Variants in RCL1 observed in about 807,000 individuals in gnomAD.
RCL1 encodes RNA terminal phosphate cyclase like 1.
In RCL1, 24 loss-of-function variants were observed where a neutral mutation model predicts 42.4. The ratio of observed to expected loss-of-function variants is 0.57; its 90% CI spans 0.41 to 0.80. RCL1 has a LOEUF of 0.80. Among genes scored for constraint, RCL1 ranks in the 30% least tolerant of loss-of-function variants. The pLI is 0.00. For synonymous variants in RCL1, 228 were observed against 177.3 expected (o/e 1.29, Z -2.27); for missense variants, 578 against 467.9 (o/e 1.24, Z -2.17).
In RCL1 at chr9:4,804,515, T is replaced by A. The variant is rs1026373657; in HGVS notation, c.136+11288T>A. ...CCGGCTGCGGTGGAACTTACACGGG[T>A]TAAGTTCTGGGCGCGGGAGCCCTGC... On this transcript the variant is annotated intron_variant, in intron 1 of 8. Transcript: ENST00000381750. 29 of 152,240 alleles carry A rather than the reference T, an allele frequency of 1.9e-4. 1 individual carries two copies. The highest frequency in any genetic ancestry group is 6.3e-4 in the African/African-American group (26 of 41,406). 9.4% of individuals were successfully genotyped at this position (152,240 alleles called of 1,614,324 possible).
chr9:4,854,509 A>T (rs1817866178), intron 8 of RCL1, among the ~76,000 whole-genome samples: 1 of 151,978 alleles, frequency 6.6e-6, no homozygotes, highest in African/African-American at 2.4e-5. Flanking sequence ...GGCTTAGTGG[A>T]GGAGGACGCA....
At chr9:4,853,793 C>CT (rs35832520) in intron 8 of RCL1, among the ~76,000 whole-genome samples, 6 of 150,886 alleles carry the variant, frequency 4.0e-5, no homozygotes, top group Non-Finnish European at 7.4e-5. Flanking sequence ...TAAACCGTGA[C>CT]TTTTTTTTTT....
Position 4,849,407 on chromosome 9 carries a change from C to T in RCL1, c.868-40C>T, listed in dbSNP as rs113513517. On this transcript the variant is annotated intron_variant, in intron 7 of 8. Coordinates refer to ENST00000381750, the MANE Select transcript of RCL1 (RefSeq NM_005772.5). ...TTTCCTCCTCTCTTTTGTTGGCTTTCCATTTTCTGGTTTGTACAATTATTA... is the reference window on the plus strand; with the variant it reads ...TTTCCTCCTCTCTTTTGTTGGCTTTTCATTTTCTGGTTTGTACAATTATTA... 875 of 1,497,222 alleles carry T rather than the reference C, an allele frequency of 5.8e-4. 7 individuals are homozygous for T. The African/African-American group carries it at 0.011, about 18-fold the overall frequency. 92.7% of individuals were successfully genotyped at this position (1,497,222 alleles called of 1,614,324 possible).
intron 1 of RCL1, among the ~76,000 whole-genome samples, chr9:4,800,220 T>A (rs1488899895): frequency 2.6e-5 from 4 of 152,084 alleles, no homozygotes; most frequent in Non-Finnish European, 5.9e-5. Flanking sequence ...TCTTTTTTTT[T>A]TTATTTTTAT....
intron 1 of RCL1, among the ~76,000 whole-genome samples, chr9:4,794,307 T>C (rs567987772): frequency 1.3e-5 from 2 of 152,112 alleles, no homozygotes; most frequent in African/African-American, 4.8e-5. Context: ...TTGACGGAGA[T>C]AGGTTAGGAA....
chr9:4,827,756 G>GTGTGTGCA (rs1554639305), intron 3 of RCL1, among the ~76,000 whole-genome samples: 1 of 108,820 alleles, frequency 9.2e-6, no homozygotes, highest in African/African-American at 3.3e-5. Flanking sequence ...GTGTGTGTGT[G>GTGTGTGCA]CACGCGTGTG....
chr9:4,831,122 C>T (rs571448971), intron 3 of RCL1, among the ~76,000 whole-genome samples: 1 of 152,316 alleles, frequency 6.6e-6, no homozygotes, highest in East Asian at 1.9e-4. Flanking sequence ...AAGCCCTCAT[C>T]TGCTTTTCCT....
intron 8 of RCL1, among the ~76,000 whole-genome samples, chr9:4,857,320 C>T (rs1001557966): frequency 6.6e-6 from 1 of 152,158 alleles, no homozygotes; most frequent in Non-Finnish European, 1.5e-5. Context: ...ATAGATTTGC[C>T]TGTTGTGGCT....
At chr9:4,826,773 C>A (rs1816777074) in intron 2 of RCL1, 85 bp from the exon 3 acceptor site, 1 of 1,213,408 alleles carries the variant, frequency 8.2e-7, no homozygotes, top group Admixed American at 2.2e-5. Context: ...GTCAGGCTTT[C>A]CCCTTGGAAC....
intron 1 of RCL1, among the ~76,000 whole-genome samples, chr9:4,802,012 G>A (rs1444283199): frequency 1.3e-5 from 2 of 151,226 alleles, no homozygotes; most frequent in African/African-American, 2.4e-5. Flanking sequence ...AGGTTCCAGC[G>A]ATTCTCCTGT....
chr9:4,802,492 C>T (rs557449242), intron 1 of RCL1, among the ~76,000 whole-genome samples: 13 of 152,144 alleles, frequency 8.5e-5, no homozygotes, highest in African/African-American at 2.4e-4. Flanking sequence ...TGATCTGTCT[C>T]TCTACTTACT....
chr9:4,848,186 G>C (rs186209766), intron 7 of RCL1, among the ~76,000 whole-genome samples: 34 of 152,296 alleles, frequency 2.2e-4, no homozygotes, highest in Admixed American at 1.4e-3. Context: ...TTTTCCATGG[G>C]TCAGGTTTTT....
chr9:4,796,642 G>A (rs564315460), intron 1 of RCL1, among the ~76,000 whole-genome samples: 5 of 152,290 alleles, frequency 3.3e-5, no homozygotes, highest in Admixed American at 6.5e-5. Context: ...TCAAGCAGTC[G>A]TCCTGCCTCA....
chr9:4,820,264 C>T (rs573156456), intron 1 of RCL1, among the ~76,000 whole-genome samples: 1 of 152,182 alleles, frequency 6.6e-6, no homozygotes, highest in Admixed American at 6.5e-5. Flanking sequence ...GCAAGGAATT[C>T]TACACAGGTT....
At chr9:4,852,971 A>T (rs1323453694) in intron 8 of RCL1, among the ~76,000 whole-genome samples, 6 of 152,116 alleles carry the variant, frequency 3.9e-5, no homozygotes, top group Non-Finnish European at 7.3e-5. Flanking sequence ...GGATTAAAAA[A>T]TTTTAATTTC....
intron 1 of RCL1, among the ~76,000 whole-genome samples, chr9:4,810,910 A>G (rs12115638): frequency 0.03 from 4,532 of 152,276 alleles, 94 homozygotes; most frequent in Non-Finnish European, 0.048. Context: ...ATTGTTTTTA[A>G]TGATCACAAA....
Position 4,835,246 on chromosome 9 carries a change from G to A in RCL1, c.584+981G>A, listed in dbSNP as rs1817083924. 2.0e-5 allele frequency among the ~76,000 whole-genome samples: 3 copies of A among 152,344 alleles called. No individual in the cohort carries two copies. The South Asian group carries it at 6.2e-4, about 32-fold the overall frequency. On this transcript the variant is annotated intron_variant, in intron 5 of 8. Transcript: ENST00000381750. ...CAAAGAAAGGAGGGTGGAACCCTGTGAGGCCACCAAAACTTGAAAGCAAGA... is the reference window on the plus strand; with the variant it reads ...CAAAGAAAGGAGGGTGGAACCCTGTAAGGCCACCAAAACTTGAAAGCAAGA...
intron 1 of RCL1, among the ~76,000 whole-genome samples, chr9:4,819,687 G>A (rs1296635051): frequency 6.6e-6 from 1 of 152,162 alleles, no homozygotes; most frequent in Non-Finnish European, 1.5e-5. Flanking sequence ...CGCGCCTGTA[G>A]TCCCAGCTAC....
At chr9:4,827,287 C>T (rs548069233) in intron 3 of RCL1, 1 of 1,281,204 alleles carries the variant, frequency 7.8e-7, no homozygotes, top group Non-Finnish European at 1.0e-6. Flanking sequence ...AAAACAGATG[C>T]TCTCCGTCTC....
Sources: gnomAD v4.1 joint callset for allele counts (sites outside exome capture counted in the v4.1 genomes callset) on GRCh38, gnomAD v4.1.1 for gene constraint, MANE v1.5 for transcripts, NCBI Gene and HGNC (gene_info 2026-07-23, HGNC 2026-07-21) for gene names.